PIK3C3: variants seen among roughly 807,000 people sequenced by gnomAD.
The protein encoded by PIK3C3 is phosphatidylinositol 3-kinase catalytic subunit type 3, also known as PI3-kinase type 3.
A neutral mutation model predicts 126.1 loss-of-function variants in PIK3C3; 95 were observed. The ratio of observed to expected loss-of-function variants is 0.75; its 90% CI spans 0.64 to 0.89. The LOEUF is 0.89. Ranked by LOEUF, PIK3C3 falls within the 40% of genes least tolerant of loss-of-function variation. PIK3C3 has a pLI of 0.00. For synonymous variants in PIK3C3, 374 were observed against 360.0 expected, an observed-to-expected ratio of 1.04 and a Z score of -0.44; for missense variants, 829 against 1,063.2, an observed-to-expected ratio of 0.78 and a Z score of 3.06.
chr18:41,962,432 T>A, intron 2 of PIK3C3, 57 bp from the exon 3 acceptor site: 1 of 1,324,006 alleles, frequency 7.6e-7, no homozygotes, highest in Non-Finnish European at 9.8e-7. Flanking sequence ...GTTTGTTAAT[T>A]TAAAAGAAAG....
chr18:42,028,877 G>T (rs1278020769), intron 14 of PIK3C3, among the ~76,000 whole-genome samples: 1 of 152,150 alleles, frequency 6.6e-6, no homozygotes, highest in East Asian at 1.9e-4. Flanking sequence ...ACATATTGTG[G>T]TGCTATTTGA....
chr18:42,029,271 A>G (rs964651110), intron 14 of PIK3C3, 54 bp from the exon 15 acceptor site: 5 of 1,047,518 alleles, frequency 4.8e-6, no homozygotes, highest in African/African-American at 3.1e-5. Flanking sequence ...TGTTAAAGAA[A>G]TCCAGATCAT....
chr18:42,062,531 C>G (rs1025394964), intron 22 of PIK3C3, among the ~76,000 whole-genome samples: 1 of 151,990 alleles, frequency 6.6e-6, no homozygotes, highest in African/African-American at 2.4e-5. Context: ...TCCACTGTGG[C>G]CCAGGGAAGC....
chr18:42,041,448 G>A (rs1984314041), intron 19 of PIK3C3, among the ~76,000 whole-genome samples: 1 of 150,342 alleles, frequency 6.7e-6, no homozygotes, highest in Non-Finnish European at 1.5e-5. Flanking sequence ...TATGAGAAAA[G>A]GTGAGTGGTT....
intron 7 of PIK3C3, among the ~76,000 whole-genome samples, chr18:41,995,544 A>C (rs1032713450): frequency 2.0e-5 from 3 of 152,142 alleles, no homozygotes; most frequent in Admixed American, 6.6e-5. Context: ...TGACAGGAGG[A>C]AGGAATGCTT....
chr18:42,072,151 TGTA>T (rs1203495368), intron 24 of PIK3C3, among the ~76,000 whole-genome samples: 2 of 152,322 alleles, frequency 1.3e-5, no homozygotes, highest in South Asian at 2.1e-4. Flanking sequence ...TTTTGTCACT[TGTA>T]GTCATCTATT....
At position 42,049,578 on chromosome 18, in the gene PIK3C3, C is replaced by G; in HGVS notation, c.2236C>G (p.Leu746Val). 6.2e-7 allele frequency: 1 copy of G among 1,613,504 alleles called. No homozygotes were observed. The highest frequency in any genetic ancestry group is 8.5e-7 in the Non-Finnish European group (1 of 1,179,484). ...TATACTTGGAGTTGGAGACAGGCAC[C>G]TGGATAACCTTTTGCTAACAAAAAC... is the stretch of plus-strand genomic sequence containing the variant. Reference protein sequence around the residue: ...TYILGVGDRHLDNLLLTKTGK... With the variant: ...TYILGVGDRHVDNLLLTKTGK... The change falls in exon 21 of 25, where the codon CTG becomes GTG. Residue 746 changes from leucine (L) to valine (V), a missense_variant. Leu to Val is a conservative substitution (Grantham distance 32, BLOSUM62 1). Coordinates refer to ENST00000262039, the MANE Select transcript of PIK3C3 (RefSeq NM_002647.4).
At chr18:42,023,707 G>A (rs192790995) in intron 13 of PIK3C3, among the ~76,000 whole-genome samples, 45 of 152,028 alleles carry the variant, frequency 3.0e-4, no homozygotes, top group African/African-American at 1.0e-3. Flanking sequence ...TCAAATAGTT[G>A]GTTTAAAATG....
At chr18:42,044,160 A>G (rs1226692314) in intron 20 of PIK3C3, among the ~76,000 whole-genome samples, 1 of 152,182 alleles carries the variant, frequency 6.6e-6, no homozygotes, top group South Asian at 2.1e-4. Flanking sequence ...ATCAGAAATG[A>G]TTGTGCTTTA....
intron 22 of PIK3C3, among the ~76,000 whole-genome samples, chr18:42,059,386 G>A (rs879879684): frequency 1.3e-5 from 2 of 152,148 alleles, no homozygotes; most frequent in Non-Finnish European, 2.9e-5. Context: ...AGAGATGAGA[G>A]TGCCATTTAA....
At chr18:42,020,910 A>G (rs1287647376) in intron 13 of PIK3C3, among the ~76,000 whole-genome samples, 1 of 152,184 alleles carries the variant, frequency 6.6e-6, no homozygotes, top group African/African-American at 2.4e-5. Context: ...TTCACTAAGG[A>G]TATAACTTTC....
intron 10 of PIK3C3, among the ~76,000 whole-genome samples, chr18:42,010,325 T>C (rs893564055): frequency 2.0e-5 from 3 of 152,124 alleles, no homozygotes; most frequent in African/African-American, 7.2e-5. Flanking sequence ...TCTAGTTTTT[T>C]TGCTATTTCC....
rs1001879087 is a variant in PIK3C3 at position 41,985,036 on chromosome 18, G to T, written c.532-2776G>T. 5.9e-5 allele frequency: 9 copies of T among 152,232 alleles called. No individual in the cohort carries two copies. In the East Asian group the frequency reaches 1.5e-3, roughly 26 times the overall value. 9.4% of individuals were successfully genotyped at this position (152,232 alleles called of 1,614,324 possible). A position where few individuals can be genotyped will look rare whatever the true frequency, so the allele number is the denominator to read the frequency against. On this transcript the variant is annotated intron_variant, in intron 4 of 24. Transcript: ENST00000262039. ...GGAGAGGGAGCAGCACTGAGAATAC[G>T]TGGGGAAAGAGAGGCCCTACCACCC...
chr18:42,025,914 T>G (rs540653633), intron 13 of PIK3C3: 2 of 152,312 alleles, frequency 1.3e-5, no homozygotes, highest in South Asian at 2.1e-4. Flanking sequence ...ATGGACGTGC[T>G]GAAGATATAG....
At chr18:42,056,848 T>G (rs182637488) in intron 21 of PIK3C3, among the ~76,000 whole-genome samples, 6 of 152,198 alleles carry the variant, frequency 3.9e-5, no homozygotes, top group African/African-American at 1.4e-4. Context: ...GCTTTTCCAG[T>G]GGGTACTGAA....
At chr18:42,039,012 T>A (rs1984187419) in intron 18 of PIK3C3, among the ~76,000 whole-genome samples, 162 bp downstream of exon 18, 1 of 152,194 alleles carries the variant, frequency 6.6e-6, no homozygotes, top group Non-Finnish European at 1.5e-5. Context: ...TTTCCTTCTT[T>A]CCTGTTTCTC....
intron 2 of PIK3C3, among the ~76,000 whole-genome samples, chr18:41,961,500 CTAATT>C (rs2144292975): frequency 1.3e-5 from 2 of 152,216 alleles, no homozygotes; most frequent in East Asian, 3.9e-4. Context: ...ATAGCCATCT[CTAATT>C]TATATGGCGT....
chr18:42,076,382 A>G (rs1986034869), intron 24 of PIK3C3, among the ~76,000 whole-genome samples: 1 of 151,896 alleles, frequency 6.6e-6, no homozygotes, highest in South Asian at 2.1e-4. Flanking sequence ...TCACCTACCC[A>G]TCAAAGAAAA....
chr18:41,962,665 G>A, intron 3 of PIK3C3, 33 bp downstream of exon 3: 1 of 1,588,872 alleles, frequency 6.3e-7, no homozygotes, highest in Non-Finnish European at 8.6e-7. Flanking sequence ...CTGTAGGAGT[G>A]TAGCAGCTTT....
Sources: gnomAD v4.1 joint callset for allele counts (sites outside exome capture counted in the v4.1 genomes callset) on GRCh38, gnomAD v4.1.1 for gene constraint, MANE v1.5 for transcripts, NCBI Gene and HGNC (gene_info 2026-07-23, HGNC 2026-07-21) for gene names.